Variants in CSMD1 observed in about 807,000 individuals in gnomAD.
CSMD1 encodes CUB and sushi domain-containing protein 1.
A neutral mutation model predicts 417.5 loss-of-function variants in CSMD1; 213 were observed. That is an observed-to-expected ratio of 0.51 (90% confidence interval 0.46 to 0.57). The LOEUF (loss-of-function observed/expected upper bound fraction) is 0.57. Among genes scored for constraint, CSMD1 ranks in the 20% least tolerant of loss-of-function variants. CSMD1 has a pLI of 0.00. For synonymous variants in CSMD1, 2,862 were observed against 1,736.8 expected (o/e 1.65, Z -16.11); for missense variants, 6,923 against 4,529.7 (o/e 1.53, Z -15.17).
At chr8:4,428,978 T>G (rs1030750765) in intron 2 of CSMD1, among the ~76,000 whole-genome samples, 1 of 152,072 alleles carries the variant, frequency 6.6e-6, no homozygotes, top group Non-Finnish European at 1.5e-5. Flanking sequence ...CCTCCCAAAG[T>G]GCTGGGAATA....
chr8:4,184,709 G>A (rs2131189420), intron 3 of CSMD1, among the ~76,000 whole-genome samples: 1 of 152,292 alleles, frequency 6.6e-6, no homozygotes, highest in East Asian at 1.9e-4. Flanking sequence ...GAAGGTGGGA[G>A]GAGGGAGGGG....
At chr8:4,289,120 G>T (rs575392736) in intron 3 of CSMD1, among the ~76,000 whole-genome samples, 1 of 152,192 alleles carries the variant, frequency 6.6e-6, no homozygotes, top group South Asian at 2.1e-4. Flanking sequence ...TTTACAAAAT[G>T]AATTAACTAG....
In CSMD1 at chr8:4,174,219, G is replaced by A. The variant is rs190987538; in HGVS notation, c.416-142120C>T. Among the ~76,000 whole-genome samples, 16 of 152,230 alleles carry A rather than the reference G, an allele frequency of 1.1e-4. No homozygotes were observed. The East Asian group carries it at 3.1e-3, about 30-fold the overall frequency. On this transcript the variant is annotated intron_variant, in intron 3 of 69. Coordinates refer to ENST00000635120, the MANE Select transcript of CSMD1 (RefSeq NM_033225.6). ...CCCAGAGCCTCAGCAGCTATGTGAGGACACCGTCTTGAAAGCAAAGCGCTA... is the reference window on the plus strand; with the variant it reads ...CCCAGAGCCTCAGCAGCTATGTGAGAACACCGTCTTGAAAGCAAAGCGCTA...
chr8:4,001,541 C>G (rs1238221618), intron 4 of CSMD1, among the ~76,000 whole-genome samples: 4 of 152,158 alleles, frequency 2.6e-5, no homozygotes, highest in African/African-American at 7.2e-5. Flanking sequence ...AATGAGCATA[C>G]CTCACTGCCA....
chr8:4,065,912 C>T (rs1386376894), intron 3 of CSMD1, among the ~76,000 whole-genome samples: 2 of 152,096 alleles, frequency 1.3e-5, no homozygotes, highest in Admixed American at 6.5e-5. Flanking sequence ...AACAAAGTGG[C>T]CCAGGGAAAA....
chr8:4,773,656 G>A (rs1796706558), intron 1 of CSMD1, among the ~76,000 whole-genome samples: 1 of 152,120 alleles, frequency 6.6e-6, no homozygotes, highest in African/African-American at 2.4e-5. Flanking sequence ...GCACTGCAAT[G>A]TGTTTGTGCA....
chr8:3,305,365 T>A (rs1804750308), intron 25 of CSMD1, among the ~76,000 whole-genome samples: 1 of 152,192 alleles, frequency 6.6e-6, no homozygotes, highest in Non-Finnish European at 1.5e-5. Context: ...GGTTTTACTG[T>A]CTCCACCAAA....
intron 6 of CSMD1, among the ~76,000 whole-genome samples, chr8:3,738,337 A>G (rs1796627902): frequency 6.6e-6 from 1 of 152,234 alleles, no homozygotes; most frequent in Non-Finnish European, 1.5e-5. Flanking sequence ...TACATCGTAC[A>G]ATGCATACAG....
chr8:4,853,665 G>A (rs1476171846), intron 1 of CSMD1, among the ~76,000 whole-genome samples: 1 of 152,188 alleles, frequency 6.6e-6, no homozygotes, highest in Non-Finnish European at 1.5e-5. Flanking sequence ...ACTACCCAGT[G>A]GAGCTGTGGG....
At chr8:3,028,916 C>T (rs1810136386) in intron 51 of CSMD1, among the ~76,000 whole-genome samples, 1 of 152,120 alleles carries the variant, frequency 6.6e-6, no homozygotes, top group South Asian at 2.1e-4. Context: ...TAATCATCTC[C>T]CTTGTGAAAA....
At chr8:4,690,951 TC>T (rs1698950072) in intron 1 of CSMD1, among the ~76,000 whole-genome samples, 1 of 152,156 alleles carries the variant, frequency 6.6e-6, no homozygotes, top group Non-Finnish European at 1.5e-5. Context: ...CTGGTCTTGC[TC>T]TCTTGAGCTC....
chr8:4,358,285 C>T (rs1044239742), intron 3 of CSMD1, among the ~76,000 whole-genome samples: 2 of 151,994 alleles, frequency 1.3e-5, no homozygotes, highest in African/African-American at 4.8e-5. Context: ...GGAGCGCGGC[C>T]ATGGGCCAGA....
At chr8:4,680,469 C>A (rs78696783) in intron 1 of CSMD1, among the ~76,000 whole-genome samples, 1 of 152,248 alleles carries the variant, frequency 6.6e-6, no homozygotes, top group East Asian at 1.9e-4. Context: ...TACCTTCACA[C>A]TTGATGACAC....
chr8:4,728,528 C>T (rs1331168697), intron 1 of CSMD1, among the ~76,000 whole-genome samples: 2 of 152,094 alleles, frequency 1.3e-5, no homozygotes, highest in African/African-American at 4.8e-5. Context: ...AATAAATAAT[C>T]TCCCAATCTT....
chr8:3,524,114 CAT>C (rs961175457), intron 10 of CSMD1, among the ~76,000 whole-genome samples: 3 of 150,512 alleles, frequency 2.0e-5, no homozygotes, highest in East Asian at 2.0e-4. Flanking sequence ...GACATATGGA[CAT>C]ATGTGCACAT....
chr8:3,173,252 TA>T (rs1442419148), intron 37 of CSMD1, among the ~76,000 whole-genome samples: 1 of 152,182 alleles, frequency 6.6e-6, no homozygotes, highest in African/African-American at 2.4e-5. Flanking sequence ...AACACACAAA[TA>T]AATATTGAAT....
chr8:3,906,542 G>A (rs113536395), intron 5 of CSMD1, among the ~76,000 whole-genome samples: 10 of 138,002 alleles, frequency 7.2e-5, no homozygotes, highest in Non-Finnish European at 1.6e-4. Context: ...GTGAAGACAA[G>A]GTTTTAGGCA....
chr8:4,566,919 A>G (rs1056045041), intron 2 of CSMD1, among the ~76,000 whole-genome samples: 1 of 152,250 alleles, frequency 6.6e-6, no homozygotes, highest in Non-Finnish European at 1.5e-5. Context: ...CAATTCAGGA[A>G]TGAACTAAAA....
At chr8:4,389,954 T>G (rs1474972042) in intron 3 of CSMD1, among the ~76,000 whole-genome samples, 1 of 152,208 alleles carries the variant, frequency 6.6e-6, no homozygotes, top group Non-Finnish European at 1.5e-5. Context: ...TCCTATGATA[T>G]GCATGCATGA....
Sources: allele counts gnomAD v4.1 joint callset (sites outside exome capture counted in the v4.1 genomes callset), GRCh38; gene constraint gnomAD v4.1.1; transcripts MANE v1.5; gene names NCBI Gene and HGNC (gene_info 2026-07-23, HGNC 2026-07-21).